TEX10: variants seen among roughly 807,000 people sequenced by gnomAD.
The protein encoded by TEX10 is testis-expressed protein 10.
In TEX10, 24 loss-of-function variants were observed where a neutral mutation model predicts 104.4. The ratio of observed to expected loss-of-function variants is 0.23; its 90% CI spans 0.17 to 0.32. The LOEUF is 0.32. TEX10 is among the 10% of genes least tolerant of loss of function. The pLI is 1.00. For missense variants in TEX10, 921 were observed against 1,083.9 expected, an observed-to-expected ratio of 0.85 and a Z score of 2.11; for synonymous variants, 396 against 393.4, an observed-to-expected ratio of 1.01 and a Z score of -0.08.
intron 11 of TEX10, among the ~76,000 whole-genome samples, chr9:100,314,252 T>C (rs1432845953): frequency 2.6e-5 from 4 of 151,974 alleles, no homozygotes; most frequent in African/African-American, 9.7e-5. Flanking sequence ...CACACCTGGG[T>C]AACTTTTGTA....
At chr9:100,339,319 T>C (rs1258461247) in intron 5 of TEX10, among the ~76,000 whole-genome samples, 1 of 139,378 alleles carries the variant, frequency 7.2e-6, no homozygotes, top group Admixed American at 7.4e-5. Context: ...ATTTGTTTTT[T>C]ATATATATTT....
chr9:100,316,611 A>AT (rs1283341664), intron 11 of TEX10, among the ~76,000 whole-genome samples: 2 of 152,112 alleles, frequency 1.3e-5, no homozygotes, highest in East Asian at 3.9e-4. Flanking sequence ...TGATATGATT[A>AT]TTTTTTAAGA....
rs1257087348 is a variant in TEX10, at chr9:100,326,327, T to C, written c.1954A>G (p.Met652Val). Reference sequence around the variant, plus strand: ...CTCATGTGCAGTATCCCGATAAGCATGGCAGCCAAACTTGAACTGAGTCTT... The same window carrying C: ...CTCATGTGCAGTATCCCGATAAGCACGGCAGCCAAACTTGAACTGAGTCTT... ...MGRLSSSLAA[M>V]LIGILHMRSS... Residue 652 changes from methionine (M) to valine (V), a missense_variant, in exon 9 of 15, where the codon ATG becomes GTG. By Grantham distance (21) the Met-to-Val change is conservative. Coordinates refer to ENST00000374902, the MANE Select transcript of TEX10 (RefSeq NM_017746.4). The C allele has an allele frequency of 1.2e-6, 2 of 1,614,016 alleles. No homozygotes were observed. The highest frequency in any genetic ancestry group is 4.5e-5 in the East Asian group (2 of 44,870).
intron 11 of TEX10, among the ~76,000 whole-genome samples, chr9:100,315,345 T>A (rs1834389781): frequency 6.6e-6 from 1 of 152,190 alleles, no homozygotes; most frequent in African/African-American, 2.4e-5. Context: ...ATGCTGAGAC[T>A]GGGGTGTTAA....
chr9:100,316,709 C>G (rs908255781), intron 11 of TEX10, among the ~76,000 whole-genome samples: 21 of 151,928 alleles, frequency 1.4e-4, no homozygotes, highest in Admixed American at 9.2e-4. Flanking sequence ...TCCAGCTATC[C>G]TACTGCCCCA....
At chr9:100,350,652 G>C (rs1835416311) in intron 1 of TEX10, among the ~76,000 whole-genome samples, 1 of 151,980 alleles carries the variant, frequency 6.6e-6, no homozygotes, top group Non-Finnish European at 1.5e-5. Flanking sequence ...CCTGTGCCTG[G>C]CCATAAAAAG....
At chr9:100,324,185 G>A (rs1320827207) in intron 9 of TEX10, among the ~76,000 whole-genome samples, 6 of 151,788 alleles carry the variant, frequency 4.0e-5, no homozygotes, top group African/African-American at 1.2e-4. Context: ...TGCATGAGCC[G>A]CCATGCCCAG....
intron 11 of TEX10, among the ~76,000 whole-genome samples, chr9:100,317,047 G>A (rs1374762348): frequency 4.6e-5 from 7 of 151,956 alleles, no homozygotes; most frequent in African/African-American, 7.2e-5. Flanking sequence ...GACTGACATC[G>A]TTAAAATGAC....
chr9:100,311,249 G>C lies in TEX10; in HGVS notation c.2203-870C>G, dbSNP rs56713821. Among the ~76,000 whole-genome samples the C allele has an allele frequency of 6.7e-3, 1,015 of 152,026 alleles. 8 individuals are homozygous for C. Among genetic ancestry groups the C allele is most frequent in the African/African-American group, 0.024 (979 of 41,486 alleles). ...TCATCTAGAAAAAAAAAAAAAGTTG[G>C]CCAGATGTGGTAGCACATGCTTGTG... On this transcript the variant is annotated intron_variant, in intron 11 of 14. Coordinates refer to ENST00000374902, the MANE Select transcript of TEX10 (RefSeq NM_017746.4).
At chr9:100,328,436 CTTAAGTCTCAGCTCTGCTATACA>C (rs1039888325) in intron 7 of TEX10, among the ~76,000 whole-genome samples, 1 of 152,196 alleles carries the variant, frequency 6.6e-6, no homozygotes, top group African/African-American at 2.4e-5. Context: ...TAGACCTGAA[CTTAAGTCTCAGCTCTGCTATACA>C]TTAGCTACAT....
chr9:100,314,086 T>C (rs557766836), intron 11 of TEX10, among the ~76,000 whole-genome samples: 2 of 118,176 alleles, frequency 1.7e-5, no homozygotes, highest in African/African-American at 7.7e-5. Flanking sequence ...TTTGGAGATT[T>C]TTCTTTTTTT....
At position 100,347,106 on chromosome 9, in the gene TEX10, A is replaced by G; in HGVS notation, c.481T>C (p.Leu161=). 1 of 1,614,210 alleles carries G rather than the reference A, an allele frequency of 6.2e-7. No individual in the cohort carries two copies. The highest frequency in any genetic ancestry group is 8.5e-7 in the Non-Finnish European group (1 of 1,180,012). Residue 161 remains leucine, a synonymous_variant, in exon 3 of 15, where the codon TTA becomes CTA. Transcript: ENST00000374902. ...TCCAGCAGAATGTCCAAAACTTTTA[A>G]AGAGTCCTCCTGAATTCCTTCAGTA... ...HITEGIQEDS[L]KVLDILLEQY...
chr9:100,335,514 T>C (rs974815854), intron 5 of TEX10, among the ~76,000 whole-genome samples: 2 of 152,158 alleles, frequency 1.3e-5, no homozygotes, highest in African/African-American at 2.4e-5. Context: ...GGTCATGACT[T>C]AATACAATTA....
At chr9:100,322,705 T>C (rs1230136026) in intron 9 of TEX10, among the ~76,000 whole-genome samples, 1 of 152,120 alleles carries the variant, frequency 6.6e-6, no homozygotes, top group Non-Finnish European at 1.5e-5. Context: ...AACCTCCACC[T>C]CCTGGGTTCA....
At chr9:100,339,893 A>C (rs1456023146) in intron 5 of TEX10, among the ~76,000 whole-genome samples, 1 of 151,994 alleles carries the variant, frequency 6.6e-6, no homozygotes, top group African/African-American at 2.4e-5. Context: ...CTCATGTATA[A>C]ATGAGAGTGG....
intron 4 of TEX10, among the ~76,000 whole-genome samples, chr9:100,344,516 A>T (rs1259638337): frequency 8.2e-5 from 4 of 48,614 alleles, no homozygotes; most frequent in South Asian, 4.1e-3. Context: ...CAAACACCGA[A>T]GAAGCTTGGA....
intron 11 of TEX10, among the ~76,000 whole-genome samples, chr9:100,313,628 C>G (rs1317697138): frequency 2.0e-5 from 3 of 151,900 alleles, no homozygotes; most frequent in Non-Finnish European, 4.4e-5. Context: ...GCAGGCAGAT[C>G]ACTTGAGGTC....
chr9:100,320,134 C>A, intron 11 of TEX10, 131 bp downstream of exon 11: 1 of 852,306 alleles, frequency 1.2e-6, no homozygotes, highest in African/African-American at 1.7e-5. Context: ...CTTCTCCCAT[C>A]CAAGATTATA....
chr9:100,324,947 C>T (rs1834665445), intron 9 of TEX10, among the ~76,000 whole-genome samples: 1 of 152,146 alleles, frequency 6.6e-6, no homozygotes, highest in African/African-American at 2.4e-5. Context: ...GGAAACTAAT[C>T]AATATTTAAA....
Sources: gnomAD v4.1 joint callset for allele counts (sites outside exome capture counted in the v4.1 genomes callset) on GRCh38, gnomAD v4.1.1 for gene constraint, MANE v1.5 for transcripts, NCBI Gene and HGNC (gene_info 2026-07-23, HGNC 2026-07-21) for gene names.